The following RBPJ variants were observed in gnomAD, a reference collection of about 807,000 sequenced individuals.
The protein encoded by RBPJ is recombining binding protein suppressor of hairless.
A neutral mutation model predicts 67.8 loss-of-function variants in RBPJ; 9 were observed. The observed-to-expected ratio is 0.13, with a 90% CI of 0.08 to 0.23. RBPJ has a LOEUF of 0.23. Among genes scored for constraint, RBPJ ranks in the 10% least tolerant of loss-of-function variants. RBPJ has a pLI of 1.00. For missense variants in RBPJ, 305 were observed against 595.6 expected, an observed-to-expected ratio of 0.51 and a Z score of 5.08; for synonymous variants, 198 against 203.3, an observed-to-expected ratio of 0.97 and a Z score of 0.22.
At chr4:26,423,862 G>A (rs1421719179) in intron 5 of RBPJ, among the ~76,000 whole-genome samples, 1 of 152,144 alleles carries the variant, frequency 6.6e-6, no homozygotes, top group African/African-American at 2.4e-5. Flanking sequence ...TTCTATGCAT[G>A]TATTCTGTGG....
the RBPJ span, among the ~76,000 whole-genome samples, chr4:26,109,558 C>CCTCTCTCT: frequency 3.7e-4 from 11 of 30,108 alleles, 2 homozygotes; most frequent in African/African-American, 1.7e-3. Context: ...TGTCCACCTT[C>CCTCTCTCT]CTCTCTCTCT....
chr4:26,327,493 C>G (rs1723749443), intron 1 of RBPJ, among the ~76,000 whole-genome samples: 1 of 144,590 alleles, frequency 6.9e-6, no homozygotes. Context: ...AAAACTGCAT[C>G]TATTTGATGT....
chr4:26,382,676 G>A (rs1157681911), intron 1 of RBPJ, among the ~76,000 whole-genome samples: 1 of 152,086 alleles, frequency 6.6e-6, no homozygotes, highest in Non-Finnish European at 1.5e-5. Context: ...AAGTAGCTAG[G>A]ACTACAGACT....
chr4:26,250,328 C>CTTTT (rs869105820), intron 1 of RBPJ, among the ~76,000 whole-genome samples: 1 of 120,678 alleles, frequency 8.3e-6, no homozygotes, highest in African/African-American at 3.1e-5. Context: ...GACTCCATTC[C>CTTTT]TTTTTTTTTT....
rs550054744 is a variant in RBPJ at position 26,379,847 on chromosome 4, A to G, written c.21-6506A>G. The stretch of plus-strand genomic sequence containing the variant: ...TGACTTGGCCTCCCAAAGTGCTGCA[A>G]TTACAGGTGTGAGCCATAGTGCCTA... On this transcript the variant is annotated intron_variant, in intron 1 of 10. Transcript: ENST00000355476. Among the ~76,000 whole-genome samples the G allele has an allele frequency of 5.9e-5, 9 of 152,278 alleles. No homozygotes were observed. The South Asian group carries it at 1.5e-3, about 25-fold the overall frequency.
chr4:26,235,164 G>A (rs1719416501), intron 1 of RBPJ, among the ~76,000 whole-genome samples: 1 of 152,152 alleles, frequency 6.6e-6, no homozygotes, highest in Admixed American at 6.6e-5. Context: ...TAATATGTAT[G>A]TCAGACTACT....
chr4:26,328,837 A>C (rs1295025319), intron 1 of RBPJ, among the ~76,000 whole-genome samples: 1 of 152,088 alleles, frequency 6.6e-6, no homozygotes, highest in Non-Finnish European at 1.5e-5. Context: ...TTTTTTGTAC[A>C]GACAGCCTTG....
intron 1 of RBPJ, among the ~76,000 whole-genome samples, chr4:26,273,065 C>A (rs1000886717): frequency 6.6e-6 from 1 of 152,122 alleles, no homozygotes. Context: ...GAAGTTTCAA[C>A]CAACAAAATT....
chr4:26,243,225 C>T (rs566869449), intron 1 of RBPJ, among the ~76,000 whole-genome samples: 45 of 152,126 alleles, frequency 3.0e-4, no homozygotes, highest in African/African-American at 9.6e-4. Flanking sequence ...AAAAAAACTC[C>T]GTCTCAAAAA....
chr4:26,419,894 C>G (rs1358028239), intron 4 of RBPJ, among the ~76,000 whole-genome samples: 1 of 152,082 alleles, frequency 6.6e-6, no homozygotes, highest in Non-Finnish European at 1.5e-5. Context: ...TCTCTAGTAC[C>G]TTTAAATTCA....
intron 1 of RBPJ, among the ~76,000 whole-genome samples, chr4:26,360,705 C>T (rs1459695880): frequency 6.6e-6 from 1 of 151,608 alleles, no homozygotes; most frequent in African/African-American, 2.4e-5. Flanking sequence ...CCTCAGCCTC[C>T]TGAGTAGCTG....
intron 1 of RBPJ, among the ~76,000 whole-genome samples, chr4:26,202,441 TC>T (rs1412625477): frequency 6.6e-6 from 1 of 151,964 alleles, no homozygotes; most frequent in Non-Finnish European, 1.5e-5. Flanking sequence ...ACCTGATCTT[TC>T]CTTCCCCCCA....
intron 1 of RBPJ, among the ~76,000 whole-genome samples, chr4:26,182,197 C>A (rs1371529093): frequency 6.6e-6 from 1 of 151,974 alleles, no homozygotes; most frequent in Non-Finnish European, 1.5e-5. Context: ...AAAAAATTAG[C>A]CGGGCGCCGT....
chr4:26,239,274 G>A (rs1344274638), intron 1 of RBPJ, among the ~76,000 whole-genome samples: 1 of 152,184 alleles, frequency 6.6e-6, no homozygotes, highest in Non-Finnish European at 1.5e-5. Flanking sequence ...TCACTCAAAA[G>A]TCTGTATCCG....
chr4:26,302,809 C>T (rs766066738), intron 1 of RBPJ, among the ~76,000 whole-genome samples: 1 of 152,108 alleles, frequency 6.6e-6, no homozygotes, highest in Non-Finnish European at 1.5e-5. Flanking sequence ...AGTTGGCGCT[C>T]AATGATTCCA....
Position 26,434,228 on chromosome 4 carries a change from C to T in RBPJ, c.*3221C>T, listed in dbSNP as rs1736480711. On this transcript the variant is annotated 3_prime_UTR_variant, in exon 11 of 11. Transcript: ENST00000355476. Reference sequence around the variant, plus strand: ...TGAAATGTTTGTCACTCTTACTGCACAGACTTATCTGCAATCATAACTGGT... The same window carrying T: ...TGAAATGTTTGTCACTCTTACTGCATAGACTTATCTGCAATCATAACTGGT... 1 of 152,196 alleles carries T rather than the reference C, an allele frequency of 6.6e-6. No individual in the cohort carries two copies. The highest frequency in any genetic ancestry group is 1.5e-5 in the Non-Finnish European group (1 of 68,018). The allele number at this position is 152,196 out of a possible 1,614,324, so 9.4% of individuals were successfully genotyped here. A position where few individuals can be genotyped will look rare whatever the true frequency, so the allele number is the denominator to read the frequency against.
rs192586102 is a variant in RBPJ, at chr4:26,251,037, A to G, written c.-167+87423A>G. Among the ~76,000 whole-genome samples, 262 of 152,326 alleles carry G rather than the reference A, an allele frequency of 1.7e-3. 1 individual carries two copies. Among genetic ancestry groups the G allele is most frequent in the African/African-American group, 5.2e-3 (218 of 41,574 alleles). On this transcript the variant is annotated intron_variant, in intron 1 of 4. Coordinates refer to the RBPJ transcript ENST00000512351. ...TGTTGTGGATCTACAAATTTCCTTT[A>G]CAATGTAAAATTGTGTGCTTTCATT...
At chr4:26,207,033 A>G (rs1646025681) in intron 1 of RBPJ, among the ~76,000 whole-genome samples, 1 of 152,072 alleles carries the variant, frequency 6.6e-6, no homozygotes, top group South Asian at 2.1e-4. Flanking sequence ...CCCCTTTTCC[A>G]GGTTTAGATT....
chr4:26,367,327 C>G (rs1174386708), intron 1 of RBPJ, among the ~76,000 whole-genome samples: 2 of 151,480 alleles, frequency 1.3e-5, no homozygotes, highest in Non-Finnish European at 1.5e-5. Flanking sequence ...ACTAGAAATC[C>G]AAAAATTAAC....
Sources: gnomAD v4.1 joint callset for allele counts (sites outside exome capture counted in the v4.1 genomes callset) on GRCh38, gnomAD v4.1.1 for gene constraint, MANE v1.5 for transcripts, NCBI Gene and HGNC (gene_info 2026-07-23, HGNC 2026-07-21) for gene names.